SERTAD1: variants seen among roughly 807,000 people sequenced by gnomAD.
SERTAD1 encodes SERTA domain containing 1.
In SERTAD1, 5 loss-of-function variants were observed where a neutral mutation model predicts 11.7. The observed-to-expected ratio is 0.43, with a 90% CI of 0.22 to 0.90. The LOEUF (loss-of-function observed/expected upper bound fraction) is 0.90. SERTAD1 is among the 40% of genes least tolerant of loss of function. SERTAD1 has a pLI of 0.27. For missense variants in SERTAD1, 287 were observed against 313.9 expected, an observed-to-expected ratio of 0.91 and a Z score of 0.65; for synonymous variants, 139 against 141.4, an observed-to-expected ratio of 0.98 and a Z score of 0.12.
rs984656597 is a variant in SERTAD1, at chr19:40,423,281, G to C, written c.266C>G (p.Pro89Arg). 2 of 1,608,406 alleles carry C rather than the reference G, an allele frequency of 1.2e-6. No homozygotes were observed. Among genetic ancestry groups the C allele is most frequent in the Non-Finnish European group, 1.7e-6 (2 of 1,177,180 alleles). The stretch of plus-strand genomic sequence containing the variant: ...GGGGGCTGCAGGTGGGCTAGGCACA[G>C]GTGGCAGGGCAGCCGCGGGTGCCAT... Reference protein sequence around the residue: ...ASMAPAAALPPVPSPPAAPSV... With the variant: ...ASMAPAAALPRVPSPPAAPSV... Residue 89 changes from proline (P) to arginine (R), a missense_variant, in exon 2 of 2, where the codon CCT (proline) becomes CGT (arginine). Coordinates refer to ENST00000357949, the MANE Select transcript of SERTAD1 (RefSeq NM_013376.4).
Position 40,422,764 on chromosome 19 carries a change from G to T in SERTAD1, c.*72C>A. On this transcript the variant is annotated 3_prime_UTR_variant, in exon 2 of 2. Transcript: ENST00000357949. ...TCTCTGTACTAGGGAAGCCAGCTGT[G>T]TCTTTTCGAGGACAGTTGGTCCAGC... 6.9e-7 allele frequency: 1 copy of T among 1,456,780 alleles called. No homozygotes were observed. 90.2% of individuals were successfully genotyped at this position (1,456,780 alleles called of 1,614,324 possible). A position where few individuals can be genotyped will look rare whatever the true frequency, so the allele number is the denominator to read the frequency against.
Position 40,422,920 on chromosome 19 carries a change from C to A in SERTAD1, c.627G>T (p.Glu209Asp). Residue 209 changes from glutamate to aspartate, a missense_variant, in exon 2 of 2, where the codon GAG becomes GAT. Physicochemically the swap from Glu to Asp is conservative, Grantham distance 45 (BLOSUM62 2). Transcript: ENST00000357949. The stretch of plus-strand genomic sequence containing the variant: ...GGTAGTCCAATTCGGCCTCGTCCAG[C>A]TCCGGAGCTTCCTCCTTGCCCGGCC... ...EDGPGKEEAPELDEAELDYLM... is the reference protein window; with the variant it reads ...EDGPGKEEAPDLDEAELDYLM... 1 of 1,612,712 alleles carries A rather than the reference C, an allele frequency of 6.2e-7. No homozygotes were observed. The highest frequency in any genetic ancestry group is 8.5e-7 in the Non-Finnish European group (1 of 1,179,438).
chr19:40,421,990 T>C lies in SERTAD1; in HGVS notation c.*846A>G, dbSNP rs1280515941. On this transcript the variant is annotated 3_prime_UTR_variant, in exon 2 of 2. Transcript: ENST00000357949. Reference sequence around the variant, plus strand: ...GGTGAAACCCTGTCTCTACAAAAAATATAAAAAATTAGTCGGTCCCAGCTA... The same window carrying C: ...GGTGAAACCCTGTCTCTACAAAAAACATAAAAAATTAGTCGGTCCCAGCTA... 1 of 151,016 alleles carries C rather than the reference T, an allele frequency of 6.6e-6. No individual in the cohort carries two copies. Among genetic ancestry groups the C allele is most frequent in the Non-Finnish European group, 1.5e-5 (1 of 67,832 alleles). 9.4% of individuals were successfully genotyped at this position (151,016 alleles called of 1,614,324 possible).
At position 40,423,289 on chromosome 19, in the gene SERTAD1, G is replaced by T; in HGVS notation, c.258C>A (p.Ala86=). The T allele has an allele frequency of 6.2e-7, 1 of 1,607,698 alleles. No individual in the cohort carries two copies. Among genetic ancestry groups the T allele is most frequent in the Non-Finnish European group, 8.5e-7 (1 of 1,176,906 alleles). ...CAGGTGGGCTAGGCACAGGTGGCAG[G>T]GCAGCCGCGGGTGCCATGGACGCCT... The part of the protein sequence containing the change: ...RIQASMAPAA[A]LPPVPSPPAA... The change falls in exon 2 of 2, where the codon GCC becomes GCA. Residue 86 remains alanine, a synonymous_variant. Transcript: ENST00000357949.
Position 40,423,483 on chromosome 19 carries a change from C to T in SERTAD1, c.64G>A (p.Asp22Asn), listed in dbSNP as rs368916899. 190 of 1,612,748 alleles carry T rather than the reference C, an allele frequency of 1.2e-4. 2 individuals are homozygous for T. The South Asian group carries it at 1.8e-3, about 15-fold the overall frequency. Reference sequence around the variant, plus strand: ...TGGCCAGGATCTAGCCACCAGGAGTCGACTGCCAGAGGTTCCTTCTCCTCC... The same window carrying T: ...TGGCCAGGATCTAGCCACCAGGAGTTGACTGCCAGAGGTTCCTTCTCCTCC... ...EEEEKEPLAVDSWWLDPGHTA... is the reference protein window; with the variant it reads ...EEEEKEPLAVNSWWLDPGHTA... Residue 22 changes from aspartate (D) to asparagine (N), a missense_variant, in exon 2 of 2, where the codon GAC becomes AAC. Coordinates refer to ENST00000357949, the MANE Select transcript of SERTAD1 (RefSeq NM_013376.4).
rs750532808 is a variant in SERTAD1 at position 40,422,840 on chromosome 19, C to T, written c.707G>A (p.Arg236His). 19 of 1,594,152 alleles carry T rather than the reference C, an allele frequency of 1.2e-5. No homozygotes were observed. The African/African-American group carries it at 1.2e-4, about 10-fold the overall frequency. Reference protein sequence around the residue: ...QALERPPGPGR With the variant: ...QALERPPGPGH The stretch of plus-strand genomic sequence containing the variant: ...CAACCATTCCAGCACGAGGGCTCAG[C>T]GCCCTGGCCCCGGCGGTCGCTCCAG... Residue 236 changes from arginine (R) to histidine (H), a missense_variant, in exon 2 of 2, where the codon CGC (arginine) becomes CAC (histidine). Transcript: ENST00000357949.
At position 40,422,734 on chromosome 19, in the gene SERTAD1, C is replaced by A; in HGVS notation, c.*102G>T. ...TCTGTCTCTCCAAAGTGGCCCAAGC[C>A]CTGTTCTCTGTACTAGGGAAGCCAG... On this transcript the variant is annotated 3_prime_UTR_variant, in exon 2 of 2. Coordinates refer to ENST00000357949, the MANE Select transcript of SERTAD1 (RefSeq NM_013376.4). 1 of 1,322,662 alleles carries A rather than the reference C, an allele frequency of 7.6e-7. No homozygotes were observed. The highest frequency in any genetic ancestry group is 1.0e-6 in the Non-Finnish European group (1 of 992,098). 81.9% of individuals were successfully genotyped at this position (1,322,662 alleles called of 1,614,324 possible).
Position 40,423,418 on chromosome 19 carries a change from G to A in SERTAD1, c.129C>T (p.Ser43=), listed in dbSNP as rs530688337. ...TGAGCACTGAGAGGTCAAAGAGGGA[G>A]CTAGAGGCCACGGCCGGGGGTGCCT... is the stretch of plus-strand genomic sequence containing the variant. The part of the protein sequence containing the change: ...VAQAPPAVAS[S]SLFDLSVLKL... Residue 43 remains serine, a synonymous_variant, in exon 2 of 2, where the codon AGC becomes AGT. Coordinates refer to ENST00000357949, the MANE Select transcript of SERTAD1 (RefSeq NM_013376.4). 3 of 1,613,350 alleles carry A rather than the reference G, an allele frequency of 1.9e-6. No homozygotes were observed. Among genetic ancestry groups the A allele is most frequent in the East Asian group, 2.2e-5 (1 of 44,884 alleles).
chr19:40,422,433 C>T lies in SERTAD1; in HGVS notation c.*403G>A, dbSNP rs756908122. The T allele has an allele frequency of 5.6e-5, 11 of 197,988 alleles. No homozygotes were observed. Among genetic ancestry groups the T allele is most frequent in the Non-Finnish European group, 8.2e-5 (8 of 97,368 alleles). 12.3% of individuals were successfully genotyped at this position (197,988 alleles called of 1,614,324 possible). On this transcript the variant is annotated 3_prime_UTR_variant, in exon 2 of 2. Transcript: ENST00000357949. ...GAAACTGTGCCTCGTACACAGCCTA[C>T]GCCCAATAAAATGTTTGATGTTTTT...
At chr19:40,425,223 G>T (rs1444477372) in intron 1 of SERTAD1, among the ~76,000 whole-genome samples, 2 of 152,074 alleles carry the variant, frequency 1.3e-5, no homozygotes, top group South Asian at 2.1e-4. Context: ...GGAGTGGCGG[G>T]GGTAGGGCTG....
rs536045970 is a variant in SERTAD1, at chr19:40,424,213, TCTCA to T, written c.1-671_1-668del. ...CTTTTATTTTTTTGTAGAGACATGG[TCTCA>T]CTATGTTGCCCAGGGTGGTCTCAAA... On this transcript the variant is annotated intron_variant, in intron 1 of 1. Coordinates refer to ENST00000357949, the MANE Select transcript of SERTAD1 (RefSeq NM_013376.4). Among the ~76,000 whole-genome samples, 230 of 151,588 alleles carry T rather than the reference TCTCA, an allele frequency of 1.5e-3. 4 individuals are homozygous for T. Among genetic ancestry groups the T allele is most frequent in the Non-Finnish European group, 8.0e-4 (54 of 67,918 alleles).
Position 40,422,619 on chromosome 19 carries a change from C to T in SERTAD1, c.*217G>A. ...GCCAGGGAATTCAGTCCCCACCAGA[C>T]CCTGTCATTCCATCACTAGGGGGTA... is the stretch of plus-strand genomic sequence containing the variant. On this transcript the variant is annotated 3_prime_UTR_variant, in exon 2 of 2. Transcript: ENST00000357949. 1 of 564,494 alleles carries T rather than the reference C, an allele frequency of 1.8e-6. No homozygotes were observed. The highest frequency in any genetic ancestry group is 2.5e-5 in the South Asian group (1 of 40,146). The allele number at this position is 564,494 out of a possible 1,614,324, so 35.0% of individuals were successfully genotyped here. A position where few individuals can be genotyped will look rare whatever the true frequency, so the allele number is the denominator to read the frequency against.
chr19:40,422,889 C>T lies in SERTAD1; in HGVS notation c.658G>A (p.Asp220Asn), dbSNP rs2079603103. ...AGTGCCTGTGTGCCCACCAGCACATCCATGAGGTAGTCCAATTCGGCCTCG... is the reference window on the plus strand; with the variant it reads ...AGTGCCTGTGTGCCCACCAGCACATTCATGAGGTAGTCCAATTCGGCCTCG... ...LDEAELDYLM[D>N]VLVGTQALER... The change falls in exon 2 of 2, where the codon GAT becomes AAT. Residue 220 changes from aspartate (D) to asparagine (N), a missense_variant. By Grantham distance (23) the Asp-to-Asn change is conservative (BLOSUM62 1). Coordinates refer to ENST00000357949, the MANE Select transcript of SERTAD1 (RefSeq NM_013376.4). 6.2e-7 allele frequency: 1 copy of T among 1,613,288 alleles called. No individual in the cohort carries two copies. The highest frequency in any genetic ancestry group is 8.5e-7 in the Non-Finnish European group (1 of 1,179,778).
chr19:40,423,620 A>T lies in SERTAD1; in HGVS notation c.1-74T>A, dbSNP rs2079606799. ...ATGTTAAGTTCAAAGCCTGGATCTGACAGTTGCTGCAGGTAGGATCTTGGG... is the reference window on the plus strand; with the variant it reads ...ATGTTAAGTTCAAAGCCTGGATCTGTCAGTTGCTGCAGGTAGGATCTTGGG... On this transcript the variant is annotated intron_variant, in intron 1 of 1. Coordinates refer to ENST00000357949, the MANE Select transcript of SERTAD1 (RefSeq NM_013376.4). 1.1e-5 allele frequency: 11 copies of T among 981,308 alleles called. No homozygotes were observed. In the South Asian group the frequency reaches 1.3e-4, roughly 11 times the overall value. 60.8% of individuals were successfully genotyped at this position (981,308 alleles called of 1,614,324 possible).
chr19:40,423,621 C>T, intron 1 of SERTAD1, 75 bp from the exon 2 acceptor site: 1 of 952,816 alleles, frequency 1.0e-6, no homozygotes, highest in Non-Finnish European at 1.6e-6. Flanking sequence ...CTGGATCTGA[C>T]AGTTGCTGCA....
rs1220141635 is a variant in SERTAD1 at position 40,422,824 on chromosome 19, C to T, written c.*12G>A. On this transcript the variant is annotated 3_prime_UTR_variant, in exon 2 of 2. Coordinates refer to ENST00000357949, the MANE Select transcript of SERTAD1 (RefSeq NM_013376.4). ...CAGTTCAGATACCAGACAACCATTC[C>T]AGCACGAGGGCTCAGCGCCCTGGCC... The T allele has an allele frequency of 6.3e-7, 1 of 1,578,384 alleles. No individual in the cohort carries two copies.
In SERTAD1 at chr19:40,422,703, C is replaced by G. The variant is rs2079602305; in HGVS notation, c.*133G>C. ...AGGACGGATGTGAAGTTGCCCAGGA[C>G]TAGATTCTGTCTCTCCAAAGTGGCC... On this transcript the variant is annotated 3_prime_UTR_variant, in exon 2 of 2. Transcript: ENST00000357949. 9.9e-7 allele frequency: 1 copy of G among 1,013,746 alleles called. No individual in the cohort carries two copies. Among genetic ancestry groups the G allele is most frequent in the African/African-American group, 1.6e-5 (1 of 61,676 alleles). 62.8% of individuals were successfully genotyped at this position (1,013,746 alleles called of 1,614,324 possible).
rs1428300573 is a variant in SERTAD1 at position 40,425,963 on chromosome 19, A to T, written c.-97T>A. On this transcript the variant is annotated 5_prime_UTR_variant, in exon 1 of 2. Coordinates refer to ENST00000357949, the MANE Select transcript of SERTAD1 (RefSeq NM_013376.4). ...ATCGCTTGTTGGCTGTCCTCCGGAA[A>T]CCCGCGCCTGGGTCGCGAGACGCAG... The T allele has an allele frequency of 6.6e-6, 1 of 152,180 alleles. No individual in the cohort carries two copies. The highest frequency in any genetic ancestry group is 6.5e-5 in the Admixed American group (1 of 15,286). 9.4% of individuals were successfully genotyped at this position (152,180 alleles called of 1,614,324 possible).
chr19:40,423,177 GGCT>G lies in SERTAD1; in HGVS notation c.367_369del (p.Ser123del). 1 of 1,601,270 alleles carries G rather than the reference GGCT, an allele frequency of 6.2e-7. No individual in the cohort carries two copies. Among genetic ancestry groups the G allele is most frequent in the Non-Finnish European group, 8.5e-7 (1 of 1,172,904 alleles). ...GGAGCCTGACTCAGGCCCTCAATGT[GGCT>G]GAGGTCCTCCAGGAGGCTGGCCATG... is the stretch of plus-strand genomic sequence containing the variant. On this transcript the variant is annotated inframe_deletion, in exon 2 of 2. Coordinates refer to ENST00000357949, the MANE Select transcript of SERTAD1 (RefSeq NM_013376.4).
Sources: gnomAD v4.1 joint callset for allele counts (sites outside exome capture counted in the v4.1 genomes callset) on GRCh38, gnomAD v4.1.1 for gene constraint, MANE v1.5 for transcripts, NCBI Gene and HGNC (gene_info 2026-07-23, HGNC 2026-07-21) for gene names.